Variants in TRAPPC3L observed in about 807,000 individuals in gnomAD.
TRAPPC3L encodes trafficking protein particle complex subunit 3-like protein.
TRAPPC3L carries 23 observed loss-of-function variants against 23.7 expected under a neutral mutation model. The observed-to-expected ratio is 0.97, with a 90% CI of 0.70 to 1.37. The LOEUF is 1.37. Ranked by LOEUF, TRAPPC3L falls within the 40% of genes most tolerant of loss-of-function variation. TRAPPC3L has a pLI of 0.00. For missense variants in TRAPPC3L, 212 were observed against 216.8 expected (o/e 0.98, Z 0.14); for synonymous variants, 81 against 77.9 (o/e 1.04, Z -0.21).
At chr6:116,525,273 G>T (rs1029480751) in intron 3 of TRAPPC3L, among the ~76,000 whole-genome samples, 1 of 152,140 alleles carries the variant, frequency 6.6e-6, no homozygotes. Flanking sequence ...TGGGAATAGA[G>T]GTCTATCTCC....
At chr6:116,497,704 A>T (rs905729349) in intron 4 of TRAPPC3L, among the ~76,000 whole-genome samples, 1 of 152,128 alleles carries the variant, frequency 6.6e-6, no homozygotes, top group Admixed American at 6.6e-5. Context: ...TTACTTCTTT[A>T]TTCATTAAAA....
chr6:116,499,891 G>A (rs1423401927), intron 4 of TRAPPC3L, among the ~76,000 whole-genome samples: 1 of 152,182 alleles, frequency 6.6e-6, no homozygotes, highest in Non-Finnish European at 1.5e-5. Flanking sequence ...GTTCATCTGT[G>A]TATACTCAGT....
intron 3 of TRAPPC3L, among the ~76,000 whole-genome samples, chr6:116,501,749 C>T (rs1469760749): frequency 6.6e-6 from 1 of 152,156 alleles, no homozygotes; most frequent in Non-Finnish European, 1.5e-5. Flanking sequence ...GAGTGGACCT[C>T]CAGAAAACTC....
intron 3 of TRAPPC3L, chr6:116,520,519 T>C (rs1476965862): frequency 2.0e-5 from 3 of 152,166 alleles, no homozygotes; most frequent in African/African-American, 4.8e-5. Context: ...AAAGCATCTA[T>C]CTGTGTTTGT....
chr6:116,517,096 T>C (rs1213577179), intron 3 of TRAPPC3L: 1 of 152,162 alleles, frequency 6.6e-6, no homozygotes, highest in Non-Finnish European at 1.5e-5. Context: ...ATAAGCTCCC[T>C]TGAGCATTTT....
chr6:116,540,404 T>G lies in TRAPPC3L; in HGVS notation c.199A>C (p.Arg67=). ...ATAATTTCTGAATAACTATGGCATC[T>G]TCCCACGCAGGATCGAGCCAAAAAG... ...EDFLARSCVG[R]CHSYSEIIDI... Residue 67 remains arginine (R), a synonymous_variant, in exon 3 of 5, where the codon AGA becomes CGA. Coordinates refer to ENST00000368602, the MANE Select transcript of TRAPPC3L (RefSeq NM_001139444.3). The G allele has an allele frequency of 6.4e-7, 1 of 1,551,330 alleles. No homozygotes were observed. Among genetic ancestry groups the G allele is most frequent in the Non-Finnish European group, 8.7e-7 (1 of 1,146,742 alleles).
At chr6:116,515,947 T>G (rs145341144) in intron 3 of TRAPPC3L, 321 of 1,612,040 alleles carry the variant, frequency 2.0e-4, no homozygotes, top group Non-Finnish European at 1.9e-4. Flanking sequence ...CTGAGGATGA[T>G]GAGACGACAA....
At chr6:116,528,228 T>C (rs1048616867) in intron 3 of TRAPPC3L, among the ~76,000 whole-genome samples, 2 of 152,218 alleles carry the variant, frequency 1.3e-5, no homozygotes, top group Non-Finnish European at 2.9e-5. Context: ...CCTCTGCAGG[T>C]GCTTTGCCTT....
At chr6:116,542,918 T>C (rs1394301636) in intron 2 of TRAPPC3L, among the ~76,000 whole-genome samples, 2 of 152,120 alleles carry the variant, frequency 1.3e-5, no homozygotes, top group African/African-American at 2.4e-5. Context: ...TGTGTAAGCA[T>C]ATATTTATAT....
In TRAPPC3L at chr6:116,494,995, A is replaced by G; in HGVS notation, c.*1959T>C. 1.6e-5 allele frequency: 1 copy of G among 61,910 alleles called. No individual in the cohort carries two copies. Among genetic ancestry groups the G allele is most frequent in the South Asian group, 5.2e-4 (1 of 1,938 alleles). 3.8% of individuals were successfully genotyped at this position (61,910 alleles called of 1,614,324 possible). A position where few individuals can be genotyped will look rare whatever the true frequency, so the allele number is the denominator to read the frequency against. ...TTTTTTTTTTTTTTTTTGTAGAGAC[A>G]GGGGTCTATGTTACCCAAGCTGGTC... is the stretch of plus-strand genomic sequence containing the variant. On this transcript the variant is annotated 3_prime_UTR_variant, in exon 5 of 5. Transcript: ENST00000368602.
chr6:116,507,323 G>T (rs1350828971), intron 3 of TRAPPC3L, among the ~76,000 whole-genome samples: 1 of 152,146 alleles, frequency 6.6e-6, no homozygotes, highest in Non-Finnish European at 1.5e-5. Flanking sequence ...TTAGACCCAA[G>T]AATACATTTT....
chr6:116,495,232 T>G lies in TRAPPC3L; in HGVS notation c.*1722A>C, dbSNP rs1485914323. On this transcript the variant is annotated 3_prime_UTR_variant, in exon 5 of 5. Coordinates refer to ENST00000368602, the MANE Select transcript of TRAPPC3L (RefSeq NM_001139444.3). ...TATCTCCATGAGTCCACTGTTTTAA[T>G]TTTTAGCTCCTACAAATAAATGAGA... 6.6e-6 allele frequency: 1 copy of G among 151,850 alleles called. No individual in the cohort carries two copies. The highest frequency in any genetic ancestry group is 1.9e-4 in the East Asian group (1 of 5,180). 9.4% of individuals were successfully genotyped at this position (151,850 alleles called of 1,614,324 possible).
intron 3 of TRAPPC3L, chr6:116,511,611 T>G (rs981320905): frequency 4.8e-6 from 6 of 1,242,864 alleles, no homozygotes; most frequent in African/African-American, 1.5e-5. Context: ...TTGTTTCTGA[T>G]GAAGAAAGAG....
At chr6:116,512,039 C>CT in intron 3 of TRAPPC3L, 1 of 1,614,006 alleles carries the variant, frequency 6.2e-7, no homozygotes, top group Non-Finnish European at 8.5e-7. Flanking sequence ...AGTGATGTGG[C>CT]TTTCTGTGGC....
intron 3 of TRAPPC3L, chr6:116,512,432 A>G (rs1437459585): frequency 8.6e-6 from 5 of 582,876 alleles, no homozygotes; most frequent in African/African-American, 3.7e-5. Context: ...TGCTGACTGG[A>G]TTATCTCTTT....
chr6:116,502,070 C>T (rs1029031925), intron 3 of TRAPPC3L, among the ~76,000 whole-genome samples: 8 of 152,176 alleles, frequency 5.3e-5, no homozygotes, highest in Non-Finnish European at 1.2e-4. Flanking sequence ...TAATAACAAA[C>T]TTCTCCGAGC....
intron 3 of TRAPPC3L, among the ~76,000 whole-genome samples, chr6:116,531,755 C>G (rs754917482): frequency 2.6e-5 from 4 of 152,000 alleles, no homozygotes; most frequent in Non-Finnish European, 5.9e-5. Context: ...CATTTTAAAT[C>G]ACAGTTGACC....
intron 3 of TRAPPC3L, among the ~76,000 whole-genome samples, chr6:116,530,908 T>C (rs896504624): frequency 2.6e-5 from 2 of 78,350 alleles, no homozygotes; most frequent in Non-Finnish European, 5.6e-5. Context: ...GACTCATATA[T>C]ATATATATAT....
intron 3 of TRAPPC3L, among the ~76,000 whole-genome samples, chr6:116,505,348 A>G (rs1562337070): frequency 6.6e-6 from 1 of 152,198 alleles, no homozygotes. Context: ...ATTACAAACC[A>G]CTTCTCAAGT....
Sources: allele counts gnomAD v4.1 joint callset (sites outside exome capture counted in the v4.1 genomes callset), GRCh38; gene constraint gnomAD v4.1.1; transcripts MANE v1.5; gene names NCBI Gene and HGNC (gene_info 2026-07-23, HGNC 2026-07-21).